The following ASXL3 variants were observed in gnomAD, a reference collection of about 807,000 sequenced individuals.
ASXL3 encodes putative Polycomb group protein ASXL3.
In ASXL3, 34 loss-of-function variants were observed where a neutral mutation model predicts 170.6. The ratio of observed to expected loss-of-function variants is 0.20; its 90% CI spans 0.15 to 0.27. The LOEUF (loss-of-function observed/expected upper bound fraction) is 0.27. ASXL3 is among the 10% of genes least tolerant of loss of function. The pLI is 1.00. For synonymous variants in ASXL3, 1,002 were observed against 989.1 expected, an observed-to-expected ratio of 1.01 and a Z score of -0.24; for missense variants, 2,592 against 2,695.3, an observed-to-expected ratio of 0.96 and a Z score of 0.85.
At chr18:33,655,665 T>C (rs1008259595) in intron 4 of ASXL3, among the ~76,000 whole-genome samples, 1 of 152,096 alleles carries the variant, frequency 6.6e-6, no homozygotes, top group South Asian at 2.1e-4. Flanking sequence ...AATGGTTTAA[T>C]TGGGGTTAGA....
chr18:33,742,403 C>T (rs2067679235), intron 11 of ASXL3, among the ~76,000 whole-genome samples: 1 of 151,946 alleles, frequency 6.6e-6, no homozygotes, highest in Admixed American at 6.6e-5. Flanking sequence ...TCACAAAGTT[C>T]CTTTGTGTAA....
chr18:33,738,645 C>T lies in ASXL3; in HGVS notation c.1241C>T (p.Pro414Leu), dbSNP rs1259631663. 1 of 1,613,796 alleles carries T rather than the reference C, an allele frequency of 6.2e-7. No individual in the cohort carries two copies. The highest frequency in any genetic ancestry group is 1.7e-5 in the Admixed American group (1 of 59,984). The change falls in exon 11 of 12, where the codon CCA (proline) becomes CTA (leucine). Residue 414 changes from proline (P) to leucine (L), a missense_variant. By Grantham distance (98) the Pro-to-Leu change is moderately conservative (BLOSUM62 -3). This residue lies in a region of ASXL3 where 2,246 missense variants were observed against 2,219.6 expected (regional missense o/e 1.01). Transcript: ENST00000269197. ...QPKSMKSPAS[P>L]EPGFCATLCP... ...AAAAGCATGAAAAGCCCAGCTTCTC[C>T]AGAGCCTGGTTTCTGTGCTACTCTT... is the stretch of plus-strand genomic sequence containing the variant.
At position 33,612,599 on chromosome 18, in the gene ASXL3, C is replaced by G. The variant is rs1260114547; in HGVS notation, c.137+4923C>G. Among the ~76,000 whole-genome samples, 4 of 151,944 alleles carry G rather than the reference C, an allele frequency of 2.6e-5. No individual in the cohort carries two copies. In the East Asian group the frequency reaches 7.7e-4, roughly 29 times the overall value. On this transcript the variant is annotated intron_variant, in intron 2 of 11. Coordinates refer to ENST00000269197, the MANE Select transcript of ASXL3 (RefSeq NM_030632.3). Reference sequence around the variant, plus strand: ...GTTTTGCGGTCTCTGTTATGATATGCTGAAATTAGAATCTCCACTTTGTAC... The same window carrying G: ...GTTTTGCGGTCTCTGTTATGATATGGTGAAATTAGAATCTCCACTTTGTAC...
At chr18:33,713,849 G>A (rs866919414) in intron 8 of ASXL3, among the ~76,000 whole-genome samples, 1 of 152,302 alleles carries the variant, frequency 6.6e-6, no homozygotes, top group Non-Finnish European at 1.5e-5. Flanking sequence ...TTCTAACACA[G>A]CAAAGTGCAG....
chr18:33,645,424 T>C (rs1007781396), intron 3 of ASXL3, among the ~76,000 whole-genome samples: 1 of 151,912 alleles, frequency 6.6e-6, no homozygotes, highest in African/African-American at 2.4e-5. Context: ...CTTGAAAACA[T>C]TGAATTAAAT....
chr18:33,726,190 T>C (rs182782359), intron 8 of ASXL3, among the ~76,000 whole-genome samples: 1 of 152,280 alleles, frequency 6.6e-6, no homozygotes, highest in Admixed American at 6.5e-5. Context: ...ATTCTTGATA[T>C]CAGCCTTGCC....
chr18:33,686,665 A>C (rs2066602248), intron 8 of ASXL3, among the ~76,000 whole-genome samples: 1 of 152,176 alleles, frequency 6.6e-6, no homozygotes. Context: ...AAAGGAGAAA[A>C]TGGTGGGCTA....
intron 2 of ASXL3, among the ~76,000 whole-genome samples, chr18:33,618,891 G>T (rs1472801003): frequency 1.3e-5 from 2 of 152,062 alleles, no homozygotes; most frequent in Non-Finnish European, 2.9e-5. Flanking sequence ...AGCTCTTAAA[G>T]GAAAGGAACT....
chr18:33,591,877 G>A (rs556231401), intron 1 of ASXL3, among the ~76,000 whole-genome samples: 5 of 151,516 alleles, frequency 3.3e-5, no homozygotes, highest in Non-Finnish European at 7.4e-5. Flanking sequence ...TCCTGACCTC[G>A]TGATCCGCCT....
intron 1 of ASXL3, 97 bp downstream of exon 1, chr18:33,578,782 G>A (rs2064968294): frequency 2.6e-6 from 2 of 758,488 alleles, no homozygotes; most frequent in Non-Finnish European, 3.4e-6. Flanking sequence ...CTTCCAGCCC[G>A]AGCCGCCGCC....
rs529946245 is a variant in ASXL3, at chr18:33,596,900, C to G, written c.55-10694C>G. Among the ~76,000 whole-genome samples the G allele has an allele frequency of 9.9e-5, 15 of 152,250 alleles. No homozygotes were observed. In the South Asian group the frequency reaches 3.1e-3, roughly 32 times the overall value. ...GCATGATCTTGGCTCACTGCAATCTCCACCTCTCAGACTCAAAAGATCCTT... is the reference window on the plus strand; with the variant it reads ...GCATGATCTTGGCTCACTGCAATCTGCACCTCTCAGACTCAAAAGATCCTT... On this transcript the variant is annotated intron_variant, in intron 1 of 11. Transcript: ENST00000269197.
Position 33,739,508 on chromosome 18 carries a change from T to A in ASXL3, c.2104T>A (p.Ser702Thr), listed in dbSNP as rs1212684991. Residue 702 changes from serine to threonine, a missense_variant, in exon 11 of 12, where the codon TCT becomes ACT. By Grantham distance (58) the Ser-to-Thr change is moderately conservative (BLOSUM62 1). Around this residue, in one of 4 missense-constraint regions of ASXL3, gnomAD observed 2,246 missense variants for 2,219.6 expected, o/e 1.01. Coordinates refer to ENST00000269197, the MANE Select transcript of ASXL3 (RefSeq NM_030632.3). ...TCTTATGTCCAACTTACCATTAACA[T>A]CTGAAGCATCACCAGTATCCAACTT... is the stretch of plus-strand genomic sequence containing the variant. ...ASLMSNLPLT[S>T]EASPVSNLPL... 5 of 1,613,922 alleles carry A rather than the reference T, an allele frequency of 3.1e-6. No individual in the cohort carries two copies. Among genetic ancestry groups the A allele is most frequent in the Non-Finnish European group, 4.2e-6 (5 of 1,179,826 alleles).
At position 33,743,634 on chromosome 18, in the gene ASXL3, T is replaced by C; in HGVS notation, c.3786T>C (p.Ser1262=). 5.0e-6 allele frequency: 8 copies of C among 1,613,698 alleles called. No homozygotes were observed. Among genetic ancestry groups the C allele is most frequent in the Non-Finnish European group, 6.8e-6 (8 of 1,179,860 alleles). ...HPFVSSVDKS[S]VLMSVDSANT... ...TTGTGAGTTCTGTTGATAAATCCTC[T>C]GTCCTAATGTCTGTTGACAGTGCAA... Residue 1262 remains serine (S), a synonymous_variant, in exon 12 of 12, where the codon TCT becomes TCC. Coordinates refer to ENST00000269197, the MANE Select transcript of ASXL3 (RefSeq NM_030632.3).
intron 4 of ASXL3, among the ~76,000 whole-genome samples, chr18:33,647,706 A>G (rs1394819947): frequency 6.6e-6 from 1 of 152,096 alleles, no homozygotes; most frequent in Non-Finnish European, 1.5e-5. Flanking sequence ...TGTGCCAAGT[A>G]CTATTCTTGA....
At chr18:33,603,849 A>T (rs2065213589) in intron 1 of ASXL3, among the ~76,000 whole-genome samples, 1 of 152,098 alleles carries the variant, frequency 6.6e-6, no homozygotes. Context: ...AATTTGTTTT[A>T]CAAAGAAAGA....
At chr18:33,641,749 T>C (rs1023227385) in intron 2 of ASXL3, 4 of 152,572 alleles carry the variant, frequency 2.6e-5, no homozygotes, top group Admixed American at 6.6e-5. Context: ...AAACTAACTT[T>C]GTTTTCTTCC....
Position 33,744,780 on chromosome 18 carries a change from T to C in ASXL3, c.4932T>C (p.Thr1644=), listed in dbSNP as rs531797074. Reference sequence around the variant, plus strand: ...AAAGCTGTCCAAAGGCTATCAAAACTGAACATGCCAACTACTTGAACGTGT... The same window carrying C: ...AAAGCTGTCCAAAGGCTATCAAAACCGAACATGCCAACTACTTGAACGTGT... ...LEQSCPKAIK[T]EHANYLNVSE... The change falls in exon 12 of 12, where the codon ACT becomes ACC. Residue 1644 remains threonine, a synonymous_variant. Coordinates refer to ENST00000269197, the MANE Select transcript of ASXL3 (RefSeq NM_030632.3). 1.2e-6 allele frequency: 2 copies of C among 1,614,034 alleles called. No individual in the cohort carries two copies. Among genetic ancestry groups the C allele is most frequent in the East Asian group, 2.2e-5 (1 of 44,870 alleles).
At chr18:33,715,879 G>A (rs2067156129) in intron 8 of ASXL3, among the ~76,000 whole-genome samples, 1 of 152,126 alleles carries the variant, frequency 6.6e-6, no homozygotes, top group Admixed American at 6.5e-5. Context: ...TTGAGTGAGG[G>A]GCCTGGATGT....
chr18:33,638,366 A>G (rs927671812), intron 2 of ASXL3, among the ~76,000 whole-genome samples: 1 of 151,914 alleles, frequency 6.6e-6, no homozygotes, highest in Non-Finnish European at 1.5e-5. Flanking sequence ...CCTGGCCTCT[A>G]TCATATTTTC....
Sources: gnomAD v4.1 joint callset for allele counts (sites outside exome capture counted in the v4.1 genomes callset) on GRCh38, gnomAD v4.1.1 for gene constraint, gnomAD v4.1.1 regional missense constraint, MANE v1.5 for transcripts, NCBI Gene and HGNC (gene_info 2026-07-23, HGNC 2026-07-21) for gene names.